Variants in ADAMTS17 observed in about 807,000 individuals in gnomAD.
ADAMTS17 encodes ADAM metallopeptidase with thrombospondin type 1 motif 17.
In ADAMTS17, 113 loss-of-function variants were observed where a neutral mutation model predicts 141.5. The ratio of observed to expected loss-of-function variants is 0.80; its 90% CI spans 0.69 to 0.93. The LOEUF is 0.93. ADAMTS17 is among the 40% of genes least tolerant of loss of function. The pLI is 0.00. For synonymous variants in ADAMTS17, 768 were observed against 630.6 expected (o/e 1.22, Z -3.27); for missense variants, 1,659 against 1,517.9 (o/e 1.09, Z -1.54).
At chr15:100,316,838 T>C (rs1333630763) in intron 3 of ADAMTS17, among the ~76,000 whole-genome samples, 1 of 152,236 alleles carries the variant, frequency 6.6e-6, no homozygotes, top group East Asian at 1.9e-4. Context: ...ACAGGCTGAC[T>C]TGTCCCAGCC....
At chr15:100,089,910 C>T (rs1429241302) in intron 15 of ADAMTS17, among the ~76,000 whole-genome samples, 1 of 149,950 alleles carries the variant, frequency 6.7e-6, no homozygotes, top group Non-Finnish European at 1.5e-5. Context: ...TGCAGCACAC[C>T]AAGATGGCAC....
intron 6 of ADAMTS17, among the ~76,000 whole-genome samples, chr15:100,255,901 C>T (rs1185604267): frequency 6.6e-6 from 1 of 152,198 alleles, no homozygotes; most frequent in African/African-American, 2.4e-5. Flanking sequence ...ATGACAGACC[C>T]CGAGGTACCA....
intron 18 of ADAMTS17, among the ~76,000 whole-genome samples, chr15:100,001,481 C>A (rs1169933490): frequency 3.3e-5 from 5 of 151,764 alleles, no homozygotes; most frequent in Non-Finnish European, 7.4e-5. Context: ...ACAAAATGTG[C>A]AACACTGAGA....
At chr15:100,096,004 G>A (rs1251676936) in intron 15 of ADAMTS17, among the ~76,000 whole-genome samples, 1 of 152,182 alleles carries the variant, frequency 6.6e-6, no homozygotes, top group African/African-American at 2.4e-5. Context: ...CCATCGACAG[G>A]TAAAATGATT....
intron 3 of ADAMTS17, among the ~76,000 whole-genome samples, chr15:100,302,380 A>C (rs2045070900): frequency 6.6e-6 from 1 of 152,172 alleles, no homozygotes; most frequent in Admixed American, 6.5e-5. Context: ...GTTCTTACTC[A>C]AGTTTCTGTG....
At chr15:100,303,989 G>A (rs1012516010) in intron 3 of ADAMTS17, among the ~76,000 whole-genome samples, 2 of 152,206 alleles carry the variant, frequency 1.3e-5, no homozygotes, top group East Asian at 3.9e-4. Context: ...CTCCCAAAGC[G>A]CTGGGATTAC....
intron 15 of ADAMTS17, among the ~76,000 whole-genome samples, chr15:100,068,012 G>T (rs2033672380): frequency 6.6e-6 from 1 of 152,188 alleles, no homozygotes. Flanking sequence ...GTCAAAGAAA[G>T]GGGTGACAGA....
intron 3 of ADAMTS17, among the ~76,000 whole-genome samples, chr15:100,293,850 T>C (rs2044722865): frequency 6.6e-6 from 1 of 152,234 alleles, no homozygotes; most frequent in Non-Finnish European, 1.5e-5. Flanking sequence ...CTCTTTGAAA[T>C]TCCTAATAAC....
intron 8 of ADAMTS17, among the ~76,000 whole-genome samples, chr15:100,156,533 AG>A (rs982392310): frequency 1.3e-5 from 2 of 152,198 alleles, no homozygotes; most frequent in East Asian, 3.9e-4. Context: ...CCGTCAGTGG[AG>A]GGGGGGCATC....
intron 11 of ADAMTS17, among the ~76,000 whole-genome samples, chr15:100,132,751 G>C (rs976225559): frequency 6.6e-6 from 1 of 152,208 alleles, no homozygotes; most frequent in Admixed American, 6.5e-5. Flanking sequence ...ACTGGAGAGA[G>C]GTCCTGGGGC....
chr15:100,214,480 T>G (rs1469813169), intron 7 of ADAMTS17, among the ~76,000 whole-genome samples: 3 of 151,928 alleles, frequency 2.0e-5, no homozygotes, highest in Non-Finnish European at 2.9e-5. Flanking sequence ...TTTGTAGTAA[T>G]TATGTAATTG....
At chr15:100,218,509 C>T (rs565818071) in intron 7 of ADAMTS17, among the ~76,000 whole-genome samples, 1 of 152,204 alleles carries the variant, frequency 6.6e-6, no homozygotes, top group East Asian at 1.9e-4. Flanking sequence ...TAGAGAAAGG[C>T]AAATCAAAAC....
chr15:100,241,828 CACTTG>C (rs1196149495), intron 7 of ADAMTS17, among the ~76,000 whole-genome samples: 3 of 152,190 alleles, frequency 2.0e-5, no homozygotes, highest in Non-Finnish European at 2.9e-5. Flanking sequence ...AGCACAACAG[CACTTG>C]TCAGGAATTT....
intron 3 of ADAMTS17, among the ~76,000 whole-genome samples, chr15:100,289,732 A>G (rs2044568393): frequency 6.6e-6 from 1 of 152,214 alleles, no homozygotes; most frequent in Non-Finnish European, 1.5e-5. Flanking sequence ...AATAATTGTG[A>G]TTCATCGCAT....
intron 8 of ADAMTS17, among the ~76,000 whole-genome samples, chr15:100,182,115 C>T (rs962807227): frequency 2.6e-5 from 4 of 152,090 alleles, no homozygotes; most frequent in South Asian, 2.1e-4. Flanking sequence ...AAGAAATACC[C>T]GAGTCTGGGT....
chr15:99,985,164 C>A (rs1461205317), intron 20 of ADAMTS17, among the ~76,000 whole-genome samples: 2 of 152,260 alleles, frequency 1.3e-5, no homozygotes, highest in East Asian at 3.8e-4. Flanking sequence ...ACACAGTGTT[C>A]CACACCAAAG....
At chr15:100,186,466 C>G (rs769698456) in intron 8 of ADAMTS17, among the ~76,000 whole-genome samples, 13 of 152,228 alleles carry the variant, frequency 8.5e-5, no homozygotes, top group Non-Finnish European at 7.3e-5. Context: ...ACTTCATGGA[C>G]TCTGAATTGC....
chr15:100,201,523 T>C (rs866802000), intron 7 of ADAMTS17, among the ~76,000 whole-genome samples: 2 of 152,218 alleles, frequency 1.3e-5, no homozygotes, highest in Admixed American at 6.5e-5. Flanking sequence ...TACATCCTCC[T>C]TCCTCATCCG....
chr15:100,015,025 T>G (rs1313394224), intron 18 of ADAMTS17, among the ~76,000 whole-genome samples: 2 of 152,252 alleles, frequency 1.3e-5, no homozygotes, highest in Non-Finnish European at 2.9e-5. Flanking sequence ...AGTAATTGTT[T>G]TATATATTTG....
Sources: allele counts gnomAD v4.1 joint callset (sites outside exome capture counted in the v4.1 genomes callset), GRCh38; gene constraint gnomAD v4.1.1; transcripts MANE v1.5; gene names NCBI Gene and HGNC (gene_info 2026-07-23, HGNC 2026-07-21).